Variants in PEX5L observed in about 807,000 individuals in gnomAD.
PEX5L encodes the protein PEX5-related protein.
PEX5L carries 30 observed loss-of-function variants against 84.0 expected under a neutral mutation model. That is an observed-to-expected ratio of 0.36 (90% CI 0.27 to 0.48). The LOEUF (loss-of-function observed/expected upper bound fraction) is 0.48, where lower values mean the gene tolerates loss of function less well. Among genes scored for constraint, PEX5L ranks in the 20% least tolerant of loss-of-function variants. PEX5L has a pLI of 0.99. For synonymous variants in PEX5L, 270 were observed against 283.1 expected (o/e 0.95, Z 0.46); for missense variants, 533 against 754.6 (o/e 0.71, Z 3.44).
At chr3:180,025,031 G>T (rs1243342237) in intron 1 of PEX5L, among the ~76,000 whole-genome samples, 2 of 152,162 alleles carry the variant, frequency 1.3e-5, no homozygotes, top group African/African-American at 4.8e-5. Flanking sequence ...TTGTCCTCCA[G>T]ATTTAAAGAG....
At chr3:179,945,775 C>T (rs6795092) in intron 2 of PEX5L, among the ~76,000 whole-genome samples, 6,799 of 152,222 alleles carry the variant, frequency 0.045, 492 homozygotes, top group African/African-American at 0.15. Flanking sequence ...CTTTGCTGGA[C>T]AGCTCTGATA....
At chr3:179,964,231 A>C (rs933985675) in intron 2 of PEX5L, among the ~76,000 whole-genome samples, 1 of 151,994 alleles carries the variant, frequency 6.6e-6, no homozygotes, top group South Asian at 2.1e-4. Context: ...TTTAGCTCCC[A>C]CTTGTAAATG....
At chr3:179,953,395 C>T (rs187391657) in intron 2 of PEX5L, among the ~76,000 whole-genome samples, 1 of 152,212 alleles carries the variant, frequency 6.6e-6, no homozygotes, top group Non-Finnish European at 1.5e-5. Flanking sequence ...GGAACTTAAA[C>T]AAATTTACAA....
intron 2 of PEX5L, among the ~76,000 whole-genome samples, chr3:179,910,502 A>T (rs1462064175): frequency 6.6e-6 from 1 of 152,238 alleles, no homozygotes; most frequent in East Asian, 1.9e-4. Context: ...TATATAGTTG[A>T]TATGTATGTA....
At chr3:179,988,968 T>C (rs1475239859) in intron 1 of PEX5L, among the ~76,000 whole-genome samples, 4 of 152,218 alleles carry the variant, frequency 2.6e-5, no homozygotes, top group African/African-American at 9.6e-5. Context: ...AGATAAAACT[T>C]CAAAATGCAA....
chr3:179,962,626 C>A (rs1452223596), intron 2 of PEX5L, among the ~76,000 whole-genome samples: 1 of 152,092 alleles, frequency 6.6e-6, no homozygotes, highest in Non-Finnish European at 1.5e-5. Context: ...TCTGAAATTC[C>A]TTCCAGATCT....
At chr3:179,977,643 C>A (rs1459417057) in intron 1 of PEX5L, among the ~76,000 whole-genome samples, 2 of 152,162 alleles carry the variant, frequency 1.3e-5, no homozygotes, top group Admixed American at 1.3e-4. Context: ...GAGTGATCGC[C>A]TTTCAAGGAC....
chr3:179,940,938 C>T (rs114506471), intron 2 of PEX5L, among the ~76,000 whole-genome samples: 96 of 152,128 alleles, frequency 6.3e-4, no homozygotes, highest in African/African-American at 2.2e-3. Context: ...CCTCTTTTTC[C>T]CCAAATCATT....
chr3:179,991,662 A>G (rs1173469404), intron 1 of PEX5L, among the ~76,000 whole-genome samples: 5 of 152,168 alleles, frequency 3.3e-5, no homozygotes, highest in African/African-American at 9.7e-5. Flanking sequence ...TTGCTTCACC[A>G]GCTATTCATT....
intron 7 of PEX5L, among the ~76,000 whole-genome samples, chr3:179,859,562 G>A (rs1745265748): frequency 1.3e-5 from 2 of 152,214 alleles, no homozygotes; most frequent in African/African-American, 4.8e-5. Flanking sequence ...TTCAGCTTGT[G>A]AGGAAGATCA....
chr3:179,995,526 G>C (rs1009680820), intron 1 of PEX5L, among the ~76,000 whole-genome samples: 1 of 152,126 alleles, frequency 6.6e-6, no homozygotes, highest in African/African-American at 2.4e-5. Flanking sequence ...CTGCTTGTGA[G>C]AGGCAAGCTG....
Position 179,936,640 on chromosome 3 carries a change from C to T in PEX5L, c.93+34954G>A, listed in dbSNP as rs192325886. ...GAGTTCTGAAAAAATGAGGCCTTTG[C>T]TAGAAGGGCTGGACACAATTATGTG... On this transcript the variant is annotated intron_variant, in intron 2 of 14. Coordinates refer to ENST00000467460, the MANE Select transcript of PEX5L (RefSeq NM_016559.3). 5.7e-4 allele frequency among the ~76,000 whole-genome samples: 24 copies of T among 41,866 alleles called. 7 individuals carry two copies. Among genetic ancestry groups the T allele is most frequent in the East Asian group, 1.3e-3 (1 of 778 alleles). The allele number at this position is 41,866 out of a possible 152,430, so 27.5% of individuals were successfully genotyped here. A position where few individuals can be genotyped will look rare whatever the true frequency, so the allele number is the denominator to read the frequency against.
At chr3:179,935,382 T>C (rs1176411449) in intron 2 of PEX5L, among the ~76,000 whole-genome samples, 3 of 152,152 alleles carry the variant, frequency 2.0e-5, no homozygotes, top group African/African-American at 7.2e-5. Context: ...TTTTCAAAAC[T>C]TGTAAGTATT....
chr3:179,947,344 C>T (rs541364078), intron 2 of PEX5L, among the ~76,000 whole-genome samples: 93 of 151,980 alleles, frequency 6.1e-4, no homozygotes, highest in Non-Finnish European at 9.9e-4. Context: ...CAATAATTAT[C>T]GTTACCATTA....
chr3:179,983,251 G>A (rs569485643), intron 1 of PEX5L, among the ~76,000 whole-genome samples: 57 of 151,738 alleles, frequency 3.8e-4, no homozygotes, highest in Non-Finnish European at 6.0e-4. Flanking sequence ...AATAAATTGC[G>A]ACTACCTTTT....
chr3:179,903,111 ATATT>A (rs1334914988), intron 2 of PEX5L, among the ~76,000 whole-genome samples: 1 of 152,228 alleles, frequency 6.6e-6, no homozygotes, highest in Non-Finnish European at 1.5e-5. Context: ...TTTAGGCTGA[ATATT>A]TAAAGAATAG....
chr3:179,976,198 T>G (rs1400394637), intron 1 of PEX5L, among the ~76,000 whole-genome samples: 1 of 152,184 alleles, frequency 6.6e-6, no homozygotes, highest in Non-Finnish European at 1.5e-5. Flanking sequence ...GGCGAATTAG[T>G]GGAATACAGT....
At chr3:179,840,644 C>T (rs1736891648) in intron 8 of PEX5L, among the ~76,000 whole-genome samples, 1 of 152,070 alleles carries the variant, frequency 6.6e-6, no homozygotes, top group South Asian at 2.1e-4. Flanking sequence ...AGAGATGCTG[C>T]TGGTATGGAT....
At chr3:179,900,991 C>T (rs553537916) in intron 2 of PEX5L, among the ~76,000 whole-genome samples, 2 of 152,284 alleles carry the variant, frequency 1.3e-5, no homozygotes, top group South Asian at 2.1e-4. Context: ...GCCTCCTCCA[C>T]CTGTTATCTT....
Sources: allele counts gnomAD v4.1 joint callset (sites outside exome capture counted in the v4.1 genomes callset), GRCh38; gene constraint gnomAD v4.1.1; transcripts MANE v1.5; gene names NCBI Gene and HGNC (gene_info 2026-07-23, HGNC 2026-07-21).